The following DPYSL2 variants were observed in gnomAD, a reference collection of about 807,000 sequenced individuals.
DPYSL2 encodes dihydropyrimidinase like 2.
Under a neutral mutation model 69.9 loss-of-function variants are expected in DPYSL2, and 13 were observed. The ratio of observed to expected loss-of-function variants is 0.19; its 90% confidence interval spans 0.12 to 0.30. The LOEUF (loss-of-function observed/expected upper bound fraction) is 0.30, where lower values mean the gene tolerates loss of function less well. Among genes scored for constraint, DPYSL2 ranks in the 10% least tolerant of loss-of-function variants. The pLI is 1.00. For missense variants in DPYSL2, 587 were observed against 918.9 expected (o/e 0.64, Z 4.67); for synonymous variants, 326 against 359.1 (o/e 0.91, Z 1.04).
At chr8:26,613,577 A>G (rs1413528469) in intron 3 of DPYSL2, among the ~76,000 whole-genome samples, 1 of 152,134 alleles carries the variant, frequency 6.6e-6, no homozygotes, top group Admixed American at 6.5e-5. Flanking sequence ...TGCTCCTTAT[A>G]TCCATTGACC....
intron 1 of DPYSL2, among the ~76,000 whole-genome samples, chr8:26,519,506 C>A (rs1002270104): frequency 1.3e-5 from 2 of 152,162 alleles, no homozygotes; most frequent in African/African-American, 4.8e-5. Flanking sequence ...CTAGATTCTA[C>A]ATTTTAGAAT....
In DPYSL2 at chr8:26,626,482, AACACACACAC is replaced by A. The variant is rs58931747; in HGVS notation, c.794-104_794-95del. 28,004 of 541,098 alleles carry A rather than the reference AACACACACAC, an allele frequency of 0.052. 381 individuals are homozygous for A. Among genetic ancestry groups the A allele is most frequent in the South Asian group, 0.083 (3,166 of 38,056 alleles). 33.5% of individuals were successfully genotyped at this position (541,098 alleles called of 1,614,324 possible). A position where few individuals can be genotyped will look rare whatever the true frequency, so the allele number is the denominator to read the frequency against. ...TCTCCTCTCTCTTTCTCTGTACTGA[AACACACACAC>A]ACACACACACACACACACACACACA... On this transcript the variant is annotated intron_variant, in intron 4 of 13. Transcript: ENST00000521913. This position sits in a 1 kb window ranked among gnomAD's most constrained non-coding sequence, Gnocchi z 4.3.
At chr8:26,554,486 A>G (rs1367776619) in intron 1 of DPYSL2, among the ~76,000 whole-genome samples, 1 of 151,626 alleles carries the variant, frequency 6.6e-6, no homozygotes, top group Non-Finnish European at 1.5e-5. Flanking sequence ...CTCTGTTGAT[A>G]GTTTCTTTTG....
chr8:26,567,083 C>CACAT (rs752370067), intron 1 of DPYSL2, among the ~76,000 whole-genome samples: 2 of 151,598 alleles, frequency 1.3e-5, no homozygotes, highest in African/African-American at 2.4e-5. Flanking sequence ...TGTCCACCCA[C>CACAT]ACATCCATCC....
chr8:26,554,195 G>A (rs766887665), intron 1 of DPYSL2, among the ~76,000 whole-genome samples: 1 of 151,818 alleles, frequency 6.6e-6, no homozygotes, highest in Non-Finnish European at 1.5e-5. Flanking sequence ...GCCATTTTTT[G>A]GCTTTTTAAT....
Position 26,647,463 on chromosome 8 carries a change from G to A in DPYSL2, c.1426-167G>A, listed in dbSNP as rs1803191931. Among the ~76,000 whole-genome samples, 1 of 152,176 alleles carries A rather than the reference G, an allele frequency of 6.6e-6. No homozygotes were observed. Among genetic ancestry groups the A allele is most frequent in the African/African-American group, 2.4e-5 (1 of 41,440 alleles). ...GTTATTTGGAGAATGTTATAGAAATGGAGTCATACAGTGTGTGACCTTTGA... is the reference window on the plus strand; with the variant it reads ...GTTATTTGGAGAATGTTATAGAAATAGAGTCATACAGTGTGTGACCTTTGA... On this transcript the variant is annotated intron_variant, in intron 10 of 13. Coordinates refer to ENST00000521913, the MANE Select transcript of DPYSL2 (RefSeq NM_001197293.3). The surrounding 1 kb of genome is among the most constrained non-coding windows in gnomAD (Gnocchi z 5.1).
In DPYSL2 at chr8:26,627,461, T is replaced by C. The variant is rs1402693690; in HGVS notation, c.936+166T>C. On this transcript the variant is annotated intron_variant, in intron 6 of 13. Coordinates refer to ENST00000521913, the MANE Select transcript of DPYSL2 (RefSeq NM_001197293.3). This position sits in a 1 kb window ranked among gnomAD's most constrained non-coding sequence, Gnocchi z 6.9. ...GTCTCACCCATGGCATGAATGCCAG[T>C]GACACACGTGCCTCTCCGTGTGTGC... is the stretch of plus-strand genomic sequence containing the variant. Among the ~76,000 whole-genome samples, 1 of 152,194 alleles carries C rather than the reference T, an allele frequency of 6.6e-6. No homozygotes were observed. The highest frequency in any genetic ancestry group is 1.9e-4 in the East Asian group (1 of 5,188).
chr8:26,567,934 A>G (rs564654746), intron 1 of DPYSL2, among the ~76,000 whole-genome samples: 39 of 152,236 alleles, frequency 2.6e-4, no homozygotes, highest in African/African-American at 8.9e-4. Context: ...TCCATTTCTA[A>G]TTCTCTGAAG....
intron 1 of DPYSL2, chr8:26,577,907 C>T: frequency 2.6e-6 from 3 of 1,148,932 alleles, no homozygotes; most frequent in Admixed American, 5.0e-5. Context: ...TGGCTGGCGG[C>T]GCATGCGCCA....
At chr8:26,595,415 G>C (rs1025736415) in intron 3 of DPYSL2, among the ~76,000 whole-genome samples, 1 of 152,002 alleles carries the variant, frequency 6.6e-6, no homozygotes, top group Non-Finnish European at 1.5e-5. Context: ...AAAACAGCCC[G>C]TCAAATCAAT....
At chr8:26,515,259 C>A (rs1469384690) in intron 1 of DPYSL2, among the ~76,000 whole-genome samples, 4 of 152,188 alleles carry the variant, frequency 2.6e-5, no homozygotes, top group African/African-American at 9.7e-5. Flanking sequence ...TTGACTCCTG[C>A]TCGCAGCGTG....
rs866699114 is a variant in DPYSL2, at chr8:26,601,630, G to A, written c.628+17647G>A. ...CTGACCTTGTGATCCGCCCGTCTTG[G>A]CCTCCCAAAGTGCTGGGATTATAGG... On this transcript the variant is annotated intron_variant, in intron 3 of 13. Coordinates refer to ENST00000521913, the MANE Select transcript of DPYSL2 (RefSeq NM_001197293.3). Among the ~76,000 whole-genome samples the A allele has an allele frequency of 2.6e-5, 4 of 151,812 alleles. No individual in the cohort carries two copies. In the South Asian group the frequency reaches 8.3e-4, roughly 32 times the overall value.
At chr8:26,548,716 C>T (rs1800822962) in intron 1 of DPYSL2, among the ~76,000 whole-genome samples, 1 of 151,262 alleles carries the variant, frequency 6.6e-6, no homozygotes, top group South Asian at 2.1e-4. Flanking sequence ...GACCTCCTCT[C>T]TTAAAAAAAA....
At chr8:26,577,121 T>C (rs1801364670) in intron 1 of DPYSL2, 1 of 443,454 alleles carries the variant, frequency 2.3e-6, no homozygotes, top group African/African-American at 2.1e-5. Flanking sequence ...GGATGCCTCC[T>C]TCCCGGCTCG....
At position 26,643,099 on chromosome 8, in the gene DPYSL2, G is replaced by T; in HGVS notation, c.1127-340G>T. On this transcript the variant is annotated intron_variant, in intron 8 of 13. Coordinates refer to ENST00000521913, the MANE Select transcript of DPYSL2 (RefSeq NM_001197293.3). This position sits in a 1 kb window ranked among gnomAD's most constrained non-coding sequence, Gnocchi z 6.5. ...TAAAGAACAGTCCAGATGGCACCTG[G>T]GACCGGATGCCTGGACACCATCCGA... 1 of 242,850 alleles carries T rather than the reference G, an allele frequency of 4.1e-6. No individual in the cohort carries two copies. Among genetic ancestry groups the T allele is most frequent in the Non-Finnish European group, 7.9e-6 (1 of 126,726 alleles). 15.0% of individuals were successfully genotyped at this position (242,850 alleles called of 1,614,324 possible).
chr8:26,562,311 A>G lies in DPYSL2; in HGVS notation c.355-19658A>G, dbSNP rs1385437872. Among the ~76,000 whole-genome samples the G allele has an allele frequency of 6.6e-6, 1 of 152,206 alleles. No individual in the cohort carries two copies. The highest frequency in any genetic ancestry group is 1.5e-5 in the Non-Finnish European group (1 of 68,038). On this transcript the variant is annotated intron_variant, in intron 1 of 13. Coordinates refer to ENST00000521913, the MANE Select transcript of DPYSL2 (RefSeq NM_001197293.3). This position sits in a 1 kb window ranked among gnomAD's most constrained non-coding sequence, Gnocchi z 4.9. ...ATTATGAGGCTTAACCAGAGTTAAT[A>G]CTTGCAAAGCACTGAGAACAATGCC...
chr8:26,605,990 A>C lies in DPYSL2; in HGVS notation c.629-18153A>C, dbSNP rs1053995256. On this transcript the variant is annotated intron_variant, in intron 3 of 13. Coordinates refer to ENST00000521913, the MANE Select transcript of DPYSL2 (RefSeq NM_001197293.3). The surrounding 1 kb of genome is among the most constrained non-coding windows in gnomAD (Gnocchi z 4.1). ...GATTAAACAGGTGATAAGAACCAAA[A>C]AATATTCAAAAAGGTCATAATGAAT... 6.6e-6 allele frequency among the ~76,000 whole-genome samples: 1 copy of C among 152,144 alleles called. No individual in the cohort carries two copies. The highest frequency in any genetic ancestry group is 1.5e-5 in the Non-Finnish European group (1 of 67,990).
Position 26,619,524 on chromosome 8 carries a change from G to T in DPYSL2, c.629-4619G>T, listed in dbSNP as rs1480618403. ...CTGTTGTGTAGTAAACAGGCCCCTC[G>T]TGGTAAATGGAGAGCAGTGAATGGA... On this transcript the variant is annotated intron_variant, in intron 3 of 13. Transcript: ENST00000521913. The surrounding 1 kb of genome is among the most constrained non-coding windows in gnomAD (Gnocchi z 4.8). 1 of 152,254 alleles carries T rather than the reference G, an allele frequency of 6.6e-6. No homozygotes were observed. Among genetic ancestry groups the T allele is most frequent in the East Asian group, 1.9e-4 (1 of 5,172 alleles). The allele number at this position is 152,254 out of a possible 1,614,324, so 9.4% of individuals were successfully genotyped here.
At chr8:26,625,994 C>T (rs1176368267) in intron 4 of DPYSL2, among the ~76,000 whole-genome samples, 1 of 152,242 alleles carries the variant, frequency 6.6e-6, no homozygotes, top group Non-Finnish European at 1.5e-5. Flanking sequence ...TAACTCTCCA[C>T]TGTCCTTCAC....
Sources: allele counts gnomAD v4.1 joint callset (sites outside exome capture counted in the v4.1 genomes callset), GRCh38; gene constraint gnomAD v4.1.1; non-coding constraint Gnocchi (gnomAD v3.1); transcripts MANE v1.5; gene names NCBI Gene and HGNC (gene_info 2026-07-23, HGNC 2026-07-21).